The following ANKS1B variants were observed in gnomAD, a reference collection of about 807,000 sequenced individuals.
ANKS1B encodes ankyrin repeat and sterile alpha motif domain containing 1B, also known as ankyrin repeat and sterile alpha motif domain-containing protein 1B.
ANKS1B carries 36 observed loss-of-function variants against 148.3 expected under a neutral mutation model. The observed-to-expected ratio is 0.24, with a 90% CI of 0.19 to 0.32. The LOEUF is 0.32. ANKS1B is among the 10% of genes least tolerant of loss of function. The pLI, the probability that ANKS1B is intolerant of heterozygous loss-of-function variation, is 1.00. For missense variants in ANKS1B, 1,157 were observed against 1,542.6 expected (o/e 0.75, Z 4.19); for synonymous variants, 542 against 560.8 (o/e 0.97, Z 0.47).
At chr12:99,855,086 T>A (rs960344945) in intron 1 of ANKS1B, among the ~76,000 whole-genome samples, 1 of 152,018 alleles carries the variant, frequency 6.6e-6, no homozygotes, top group South Asian at 2.1e-4. Flanking sequence ...GGCCTAAATG[T>A]TCCACTTAAA....
chr12:98,943,803 G>A (rs957197718), intron 17 of ANKS1B, among the ~76,000 whole-genome samples: 3 of 152,174 alleles, frequency 2.0e-5, no homozygotes, highest in African/African-American at 7.2e-5. Context: ...TGGGGAGTGG[G>A]ATGTAGACAT....
At chr12:98,940,790 A>G (rs1207114483) in intron 17 of ANKS1B, among the ~76,000 whole-genome samples, 1 of 152,218 alleles carries the variant, frequency 6.6e-6, no homozygotes, top group Non-Finnish European at 1.5e-5. Context: ...GAAATAACCT[A>G]GAGTCTAGCA....
At chr12:98,876,475 T>C (rs1202252779) in intron 17 of ANKS1B, among the ~76,000 whole-genome samples, 1 of 152,226 alleles carries the variant, frequency 6.6e-6, no homozygotes, top group South Asian at 2.1e-4. Flanking sequence ...GATTACAAAG[T>C]GCATTGGTGT....
chr12:99,137,552 A>G (rs1022429947), intron 15 of ANKS1B, among the ~76,000 whole-genome samples: 1 of 152,206 alleles, frequency 6.6e-6, no homozygotes, highest in African/African-American at 2.4e-5. Flanking sequence ...AGTTACACAG[A>G]GAGGGCTGTG....
chr12:99,585,583 C>T (rs938981924), intron 9 of ANKS1B, among the ~76,000 whole-genome samples: 2 of 152,302 alleles, frequency 1.3e-5, no homozygotes, highest in Non-Finnish European at 2.9e-5. Flanking sequence ...CCACATTTCC[C>T]CTCCACACTG....
chr12:99,018,951 A>G (rs2099944146), intron 17 of ANKS1B, among the ~76,000 whole-genome samples: 1 of 152,196 alleles, frequency 6.6e-6, no homozygotes, highest in African/African-American at 2.4e-5. Flanking sequence ...TCAAAACAAA[A>G]AAAGTATTTT....
intron 12 of ANKS1B, among the ~76,000 whole-genome samples, chr12:99,324,896 C>A (rs1018765415): frequency 2.0e-5 from 3 of 152,066 alleles, no homozygotes; most frequent in African/African-American, 4.8e-5. Context: ...CCTGCCTAGA[C>A]TCCCTGAATG....
rs1325725710 is a variant in ANKS1B at position 98,891,619 on chromosome 12, CTAAA to C, written c.2779-59487_2779-59484del. Among the ~76,000 whole-genome samples the C allele has an allele frequency of 9.9e-5, 15 of 152,254 alleles. No individual in the cohort carries two copies. In the East Asian group the frequency reaches 2.7e-3, roughly 27 times the overall value. ...TAAATGTTCTTTCTCAAGCAAATTA[CTAAA>C]TATATTGACAGCACTGCACTTTGAA... is the stretch of plus-strand genomic sequence containing the variant. On this transcript the variant is annotated intron_variant, in intron 17 of 26. Transcript: ENST00000683438.
intron 14 of ANKS1B, among the ~76,000 whole-genome samples, chr12:99,163,487 G>GTGTGTA (rs1441504151): frequency 6.8e-6 from 1 of 147,646 alleles, no homozygotes; most frequent in Non-Finnish European, 1.5e-5. Flanking sequence ...GTGTGTGTGT[G>GTGTGTA]TGTGTGTGTG....
At position 98,801,163 on chromosome 12, in the gene ANKS1B, T is replaced by G. The variant is rs1373314822; in HGVS notation, c.3142-38A>C. On this transcript the variant is annotated intron_variant, in intron 20 of 26. Coordinates refer to ENST00000683438, the MANE Select transcript of ANKS1B (RefSeq NM_001352186.2). This position sits in a 1 kb window ranked among gnomAD's most constrained non-coding sequence, Gnocchi z 5.2. The stretch of plus-strand genomic sequence containing the variant: ...TTTATTCTAGAGGCAATATGAGCAG[T>G]CAGCAAAGTTCATTCCCTGTAGCTA... 1 of 1,604,036 alleles carries G rather than the reference T, an allele frequency of 6.2e-7. No individual in the cohort carries two copies. The highest frequency in any genetic ancestry group is 8.5e-7 in the Non-Finnish European group (1 of 1,174,718).
At chr12:98,978,032 A>G (rs1386040854) in intron 17 of ANKS1B, among the ~76,000 whole-genome samples, 1 of 152,142 alleles carries the variant, frequency 6.6e-6, no homozygotes, top group African/African-American at 2.4e-5. Flanking sequence ...CCATACTAGG[A>G]AATGTATAGT....
At chr12:99,591,727 C>T (rs2097704793) in intron 9 of ANKS1B, among the ~76,000 whole-genome samples, 1 of 152,032 alleles carries the variant, frequency 6.6e-6, no homozygotes, top group Admixed American at 6.6e-5. Flanking sequence ...CATTCCAGGC[C>T]CATATCTAAA....
chr12:99,398,216 C>T (rs562195311), intron 12 of ANKS1B, among the ~76,000 whole-genome samples: 2 of 152,216 alleles, frequency 1.3e-5, no homozygotes, highest in Non-Finnish European at 2.9e-5. Flanking sequence ...GAATGTCAAT[C>T]TTATCATTCC....
intron 15 of ANKS1B, chr12:99,104,563 A>G (rs1254152170): frequency 1.3e-5 from 2 of 152,206 alleles, no homozygotes; most frequent in Non-Finnish European, 2.9e-5. Flanking sequence ...TATATCCTTC[A>G]GAGCAAGACA....
intron 20 of ANKS1B, among the ~76,000 whole-genome samples, chr12:98,807,571 C>T (rs1338693122): frequency 6.6e-6 from 1 of 152,098 alleles, no homozygotes; most frequent in African/African-American, 2.4e-5. Flanking sequence ...AAGTTTAACA[C>T]AGACGCCTGG....
chr12:99,836,937 C>G (rs2084942509), intron 1 of ANKS1B, among the ~76,000 whole-genome samples: 1 of 152,000 alleles, frequency 6.6e-6, no homozygotes, highest in Non-Finnish European at 1.5e-5. Context: ...AATGGTACCC[C>G]CAAGATGTAT....
intron 1 of ANKS1B, among the ~76,000 whole-genome samples, chr12:99,941,515 A>G (rs995114672): frequency 2.0e-5 from 3 of 152,296 alleles, no homozygotes; most frequent in Admixed American, 1.3e-4. Context: ...CAATAGAACA[A>G]TCAGTTAGTT....
intron 17 of ANKS1B, among the ~76,000 whole-genome samples, chr12:98,951,199 C>T (rs2099853559): frequency 6.6e-6 from 1 of 152,132 alleles, no homozygotes; most frequent in Non-Finnish European, 1.5e-5. Flanking sequence ...TTATCCTGGC[C>T]AGTCTTCCTG....
At chr12:99,569,625 T>C (rs1279866235) in intron 9 of ANKS1B, among the ~76,000 whole-genome samples, 1 of 152,340 alleles carries the variant, frequency 6.6e-6, no homozygotes, top group African/African-American at 2.4e-5. Context: ...TCCAAGCGGC[T>C]GGAAGAGCTG....
Sources: gnomAD v4.1 joint callset for allele counts (sites outside exome capture counted in the v4.1 genomes callset) on GRCh38, gnomAD v4.1.1 for gene constraint, Gnocchi (gnomAD v3.1) non-coding constraint, MANE v1.5 for transcripts, NCBI Gene and HGNC (gene_info 2026-07-23, HGNC 2026-07-21) for gene names.